Variants in IL1RL2 observed in about 807,000 individuals in gnomAD.
The protein encoded by IL1RL2 is interleukin-1 receptor-like 2.
A neutral mutation model predicts 66.8 loss-of-function variants in IL1RL2; 68 were observed. That is an observed-to-expected ratio of 1.02 (90% confidence interval 0.84 to 1.25). The LOEUF (loss-of-function observed/expected upper bound fraction) is 1.25, where lower values mean the gene tolerates loss of function less well. Ranked by LOEUF, IL1RL2 falls within the 50% of genes most tolerant of loss-of-function variation. IL1RL2 has a pLI of 0.00. For synonymous variants in IL1RL2, 305 were observed against 264.6 expected (o/e 1.15, Z -1.48); for missense variants, 729 against 709.3 (o/e 1.03, Z -0.32).
intron 6 of IL1RL2, among the ~76,000 whole-genome samples, chr2:102,218,212 G>A (rs1446221021): frequency 6.6e-6 from 1 of 152,112 alleles, no homozygotes; most frequent in Non-Finnish European, 1.5e-5. Context: ...ACAGATATTT[G>A]CTTATGATAA....
At chr2:102,217,704 G>A (rs1689732578) in intron 6 of IL1RL2, among the ~76,000 whole-genome samples, 1 of 152,092 alleles carries the variant, frequency 6.6e-6, no homozygotes, top group Non-Finnish European at 1.5e-5. Flanking sequence ...TTCAATAAAT[G>A]GTGATAGGAA....
chr2:102,215,355 G>A lies in IL1RL2; in HGVS notation c.724+3181G>A, dbSNP rs186348947. Among the ~76,000 whole-genome samples the A allele has an allele frequency of 4.5e-4, 68 of 152,198 alleles. 1 individual carries two copies. In the South Asian group the frequency reaches 8.5e-3, roughly 19 times the overall value. The stretch of plus-strand genomic sequence containing the variant: ...ATCTCTCCATCCCCAATGCTTTCCC[G>A]TCATTTCACCATGTTCATACAGGTG... On this transcript the variant is annotated intron_variant, in intron 6 of 11. Coordinates refer to ENST00000264257, the MANE Select transcript of IL1RL2 (RefSeq NM_003854.4).
At chr2:102,206,123 CT>C (rs1409124207) in intron 5 of IL1RL2, among the ~76,000 whole-genome samples, 2 of 152,048 alleles carry the variant, frequency 1.3e-5, no homozygotes, top group Non-Finnish European at 2.9e-5. Flanking sequence ...TTAAATTTAT[CT>C]GATAGAATTC....
intron 9 of IL1RL2, among the ~76,000 whole-genome samples, chr2:102,228,715 C>T (rs897079448): frequency 6.6e-6 from 1 of 152,102 alleles, no homozygotes; most frequent in African/African-American, 2.4e-5. Context: ...GAAAACAAGT[C>T]GGGGTAGAGT....
chr2:102,188,108 C>T (rs1000538724), intron 2 of IL1RL2, among the ~76,000 whole-genome samples, 183 bp downstream of exon 2: 3 of 152,218 alleles, frequency 2.0e-5, no homozygotes, highest in Non-Finnish European at 4.4e-5. Context: ...ATGCTCAGCC[C>T]TGAATGTCGC....
Position 102,226,624 on chromosome 2 carries a change from GAGGAAGGA to G in IL1RL2, c.1135+592_1135+599del, listed in dbSNP as rs549357283. 1.1e-4 allele frequency among the ~76,000 whole-genome samples: 17 copies of G among 152,166 alleles called. No homozygotes were observed. In the East Asian group the frequency reaches 3.1e-3, roughly 28 times the overall value. On this transcript the variant is annotated intron_variant, in intron 9 of 11. Coordinates refer to ENST00000264257, the MANE Select transcript of IL1RL2 (RefSeq NM_003854.4). ...TATTTCTCAGCTATAGAAAGGAATA[GAGGAAGGA>G]AGGAAGGAGACAGGGAGGGAGGAAA...
chr2:102,228,953 G>A (rs1690885582), intron 9 of IL1RL2, among the ~76,000 whole-genome samples: 1 of 151,986 alleles, frequency 6.6e-6, no homozygotes, highest in South Asian at 2.1e-4. Flanking sequence ...CTTTCCCATG[G>A]TAAATGTCAT....
rs765758396 is a variant in IL1RL2 at position 102,189,034 on chromosome 2, T to G, written c.59-42T>G. The G allele has an allele frequency of 6.8e-6, 10 of 1,478,612 alleles. No homozygotes were observed. The South Asian group carries it at 1.1e-4, about 16-fold the overall frequency. 91.6% of individuals were successfully genotyped at this position (1,478,612 alleles called of 1,614,324 possible). A position where few individuals can be genotyped will look rare whatever the true frequency, so the allele number is the denominator to read the frequency against. Reference sequence around the variant, plus strand: ...CTAACAGTAAATAAAACTGAAGTTTTCTTTCATGGATAATTGTTTTGTTTT... The same window carrying G: ...CTAACAGTAAATAAAACTGAAGTTTGCTTTCATGGATAATTGTTTTGTTTT... On this transcript the variant is annotated intron_variant, in intron 2 of 11. Coordinates refer to ENST00000264257, the MANE Select transcript of IL1RL2 (RefSeq NM_003854.4).
At chr2:102,231,876 G>T (rs141143775) in intron 9 of IL1RL2, among the ~76,000 whole-genome samples, 1 of 152,308 alleles carries the variant, frequency 6.6e-6, no homozygotes, top group African/African-American at 2.4e-5. Context: ...TGTAGTGATG[G>T]AATTCACTGG....
rs1687682378 is a variant in IL1RL2 at position 102,195,637 on chromosome 2, CTCTCTCTCTCTT to C, written c.489+3521_489+3532del. On this transcript the variant is annotated intron_variant, in intron 4 of 11. Coordinates refer to ENST00000264257, the MANE Select transcript of IL1RL2 (RefSeq NM_003854.4). Reference sequence around the variant, plus strand: ...TCTTTCTTTCTTTCTTTCTCTCTCTCTCTCTCTCTCTTTCTTTCTTTCTTTCTTTCTTTCTTT... The same window carrying C: ...TCTTTCTTTCTTTCTTTCTCTCTCTCTCTTTCTTTCTTTCTTTCTTTCTTT... 1.6e-4 allele frequency among the ~76,000 whole-genome samples: 5 copies of C among 30,354 alleles called. 1 individual carries two copies. Among genetic ancestry groups the C allele is most frequent in the African/African-American group, 4.1e-4 (5 of 12,150 alleles). The allele number at this position is 30,354 out of a possible 152,430, so 19.9% of individuals were successfully genotyped here.
At chr2:102,211,080 A>G (rs898479946) in intron 5 of IL1RL2, among the ~76,000 whole-genome samples, 4 of 152,204 alleles carry the variant, frequency 2.6e-5, no homozygotes, top group Admixed American at 6.5e-5. Context: ...TGTGTGATCT[A>G]GTGGGTGATG....
chr2:102,206,907 G>A (rs1289682036), intron 5 of IL1RL2, among the ~76,000 whole-genome samples: 1 of 152,198 alleles, frequency 6.6e-6, no homozygotes, highest in African/African-American at 2.4e-5. Flanking sequence ...AACCTTAGAA[G>A]TCTACCAAGT....
At chr2:102,203,456 C>A (rs997490530) in intron 5 of IL1RL2, among the ~76,000 whole-genome samples, 1 of 151,718 alleles carries the variant, frequency 6.6e-6, no homozygotes, top group African/African-American at 2.4e-5. Context: ...ATAGTTTGAG[C>A]AGGATTGGTA....
At position 102,187,854 on chromosome 2, in the gene IL1RL2, A is replaced by C; in HGVS notation, c.-12-2A>C. On this transcript the variant is annotated splice_acceptor_variant, in intron 1 of 11. Coordinates refer to ENST00000264257, the MANE Select transcript of IL1RL2 (RefSeq NM_003854.4). LOFTEE classifies it low-confidence loss of function (5UTR_SPLICE). ...TCCCACCCTCTTCTCCCTTCCTTGC[A>C]GCCCGGTTTGGGGATGTGGTCCTTG... 1 of 1,610,774 alleles carries C rather than the reference A, an allele frequency of 6.2e-7. No individual in the cohort carries two copies. Among genetic ancestry groups the C allele is most frequent in the Non-Finnish European group, 8.5e-7 (1 of 1,178,376 alleles).
chr2:102,219,024 A>G lies in IL1RL2; in HGVS notation c.796A>G (p.Asn266Asp). 2 of 1,613,906 alleles carry G rather than the reference A, an allele frequency of 1.2e-6. No individual in the cohort carries two copies. The highest frequency in any genetic ancestry group is 8.5e-7 in the Non-Finnish European group (1 of 1,179,774). ...DNTNLRCWRVNNTLVDDYYDE... is the reference protein window; with the variant it reads ...DNTNLRCWRVDNTLVDDYYDE... The stretch of plus-strand genomic sequence containing the variant: ...TACAAATCTACGATGCTGGAGAGTC[A>G]ATAACACTTTGGTGGATGATTACTA... Residue 266 changes from asparagine (N) to aspartate (D), a missense_variant, in exon 7 of 12, where the codon AAT (asparagine) becomes GAT (aspartate). Transcript: ENST00000264257.
At chr2:102,203,721 A>C (rs72998541) in intron 5 of IL1RL2, among the ~76,000 whole-genome samples, 1,891 of 152,158 alleles carry the variant, frequency 0.012, 34 homozygotes, top group African/African-American at 0.041. Flanking sequence ...CATAGTAGCC[A>C]TTAATAATCT....
intron 8 of IL1RL2, among the ~76,000 whole-genome samples, chr2:102,221,033 C>T (rs1169928946): frequency 6.6e-6 from 1 of 152,198 alleles, no homozygotes; most frequent in Non-Finnish European, 1.5e-5. Flanking sequence ...CTGGCCTCAG[C>T]TGCCTTAACT....
intron 9 of IL1RL2, among the ~76,000 whole-genome samples, chr2:102,227,971 G>A (rs1430116360): frequency 6.6e-6 from 1 of 152,144 alleles, no homozygotes; most frequent in African/African-American, 2.4e-5. Flanking sequence ...TGACTCACAC[G>A]GAGTAGTGGG....
chr2:102,218,226 A>C (rs1020234389), intron 6 of IL1RL2, among the ~76,000 whole-genome samples: 1 of 152,218 alleles, frequency 6.6e-6, no homozygotes, highest in Non-Finnish European at 1.5e-5. Flanking sequence ...ATGATAATTC[A>C]TTAACTTGAT....
Sources: gnomAD v4.1 joint callset for allele counts (sites outside exome capture counted in the v4.1 genomes callset) on GRCh38, gnomAD v4.1.1 for gene constraint, MANE v1.5 for transcripts, NCBI Gene and HGNC (gene_info 2026-07-23, HGNC 2026-07-21) for gene names.